E2F3: variants seen among roughly 807,000 people sequenced by gnomAD.
The protein encoded by E2F3 is E2F transcription factor 3, also known as transcription factor E2F3.
Under a neutral mutation model 44.4 loss-of-function variants are expected in E2F3, and 11 were observed. The observed-to-expected ratio is 0.25, with a 90% CI of 0.16 to 0.41. The LOEUF is 0.41. Among genes scored for constraint, E2F3 ranks in the 10% least tolerant of loss-of-function variants. E2F3 has a pLI of 1.00. For missense variants in E2F3, 487 were observed against 583.6 expected (o/e 0.83, Z 1.70); for synonymous variants, 249 against 253.0 (o/e 0.98, Z 0.15).
At chr6:20,445,234 G>T in intron 1 of E2F3, 3 of 773,724 alleles carry the variant, frequency 3.9e-6, no homozygotes, top group Non-Finnish European at 4.7e-6. Context: ...ATTAGAATGT[G>T]TATATTTTCT....
At chr6:20,442,067 T>C (rs561879107) in intron 1 of E2F3, among the ~76,000 whole-genome samples, 2 of 152,188 alleles carry the variant, frequency 1.3e-5, no homozygotes, top group South Asian at 4.2e-4. Context: ...GGTCTCCTTT[T>C]GCTGTTTGCC....
intron 1 of E2F3, among the ~76,000 whole-genome samples, chr6:20,440,747 T>G (rs1191087016): frequency 6.6e-6 from 1 of 152,254 alleles, no homozygotes; most frequent in Non-Finnish European, 1.5e-5. Flanking sequence ...AGCAGTGGAA[T>G]ATCAGGACCA....
chr6:20,431,089 T>G (rs747762486), intron 1 of E2F3, among the ~76,000 whole-genome samples: 1 of 152,164 alleles, frequency 6.6e-6, no homozygotes, highest in Non-Finnish European at 1.5e-5. Flanking sequence ...ACCAAAATTC[T>G]CACTTAAAAC....
Position 20,488,152 on chromosome 6 carries a change from G to A in E2F3, c.1039G>A (p.Glu347Lys). ...IHLASTQGPI[E>K]VYLCPEETET... Reference sequence around the variant, plus strand: ...TTTGGCAAGTACCCAAGGGCCCATTGAGGTTTACTTATGTCCAGAAGAGAC... The same window carrying A: ...TTTGGCAAGTACCCAAGGGCCCATTAAGGTTTACTTATGTCCAGAAGAGAC... The change falls in exon 6 of 7, where the codon GAG (glutamate) becomes AAG (lysine). Residue 347 changes from glutamate to lysine, a missense_variant. Transcript: ENST00000346618. 1 of 1,614,120 alleles carries A rather than the reference G, an allele frequency of 6.2e-7. No homozygotes were observed. Among genetic ancestry groups the A allele is most frequent in the Non-Finnish European group, 8.5e-7 (1 of 1,180,022 alleles).
intron 1 of E2F3, among the ~76,000 whole-genome samples, chr6:20,460,970 T>G (rs112959516): frequency 1.8e-5 from 2 of 112,190 alleles, no homozygotes; most frequent in African/African-American, 7.2e-5. Flanking sequence ...CACTCTAGCC[T>G]GGGAGACAGA....
intron 1 of E2F3, among the ~76,000 whole-genome samples, chr6:20,412,794 T>G (rs1759718391): frequency 6.6e-6 from 1 of 152,200 alleles, no homozygotes; most frequent in Non-Finnish European, 1.5e-5. Context: ...TTTTAAAATG[T>G]TGGCTGAATT....
At chr6:20,466,497 C>T (rs1761715117) in intron 1 of E2F3, among the ~76,000 whole-genome samples, 1 of 152,130 alleles carries the variant, frequency 6.6e-6, no homozygotes, top group South Asian at 2.1e-4. Flanking sequence ...TTTCCCTGAT[C>T]ATTAGTGATG....
chr6:20,481,672 G>A (rs1407122713), intron 3 of E2F3, among the ~76,000 whole-genome samples: 1 of 152,102 alleles, frequency 6.6e-6, no homozygotes, highest in African/African-American at 2.4e-5. Flanking sequence ...ATCCAGCAAC[G>A]GCATCCTTAA....
At chr6:20,445,428 C>T (rs569424929) in intron 1 of E2F3, among the ~76,000 whole-genome samples, 32 of 152,174 alleles carry the variant, frequency 2.1e-4, no homozygotes, top group Admixed American at 5.2e-4. Flanking sequence ...TCAGTAGAGA[C>T]GGGGTTTCAC....
chr6:20,467,678 G>C (rs1761758787), intron 1 of E2F3, among the ~76,000 whole-genome samples: 1 of 152,118 alleles, frequency 6.6e-6, no homozygotes, highest in Non-Finnish European at 1.5e-5. Flanking sequence ...CTGGCATCGA[G>C]GTTTGGCCCA....
intron 1 of E2F3, among the ~76,000 whole-genome samples, chr6:20,460,436 G>GT (rs1334905944): frequency 6.6e-6 from 1 of 151,894 alleles, no homozygotes; most frequent in Non-Finnish European, 1.5e-5. Flanking sequence ...GTTCTGACTT[G>GT]TTTTTTTCCT....
chr6:20,403,069 G>A (rs1310168427), intron 1 of E2F3, among the ~76,000 whole-genome samples: 2 of 152,192 alleles, frequency 1.3e-5, no homozygotes, highest in South Asian at 4.2e-4. Flanking sequence ...GACTGTTGGG[G>A]TGCTAGCCCC....
chr6:20,485,594 A>C (rs1036679220), intron 4 of E2F3, among the ~76,000 whole-genome samples: 2 of 152,112 alleles, frequency 1.3e-5, no homozygotes, highest in African/African-American at 4.8e-5. Flanking sequence ...GAAAAAGGAA[A>C]TAACTACCAA....
At chr6:20,433,987 T>G (rs1019556980) in intron 1 of E2F3, among the ~76,000 whole-genome samples, 1 of 152,220 alleles carries the variant, frequency 6.6e-6, no homozygotes, top group African/African-American at 2.4e-5. Context: ...TTGTTAATTT[T>G]GGGATGGAAG....
intron 1 of E2F3, among the ~76,000 whole-genome samples, chr6:20,447,322 ATG>A (rs546318899): frequency 2.6e-5 from 4 of 151,092 alleles, no homozygotes; most frequent in Non-Finnish European, 5.9e-5. Context: ...TGGGATGTGT[ATG>A]TGTGTGTGTG....
intron 5 of E2F3, among the ~76,000 whole-genome samples, chr6:20,487,421 C>T (rs998073934): frequency 1.3e-5 from 2 of 152,112 alleles, no homozygotes; most frequent in Admixed American, 6.6e-5. Flanking sequence ...ATAATAATAG[C>T]TCTTTGACCT....
intron 1 of E2F3, among the ~76,000 whole-genome samples, chr6:20,451,912 T>C (rs1761144239): frequency 6.6e-6 from 1 of 152,240 alleles, no homozygotes; most frequent in South Asian, 2.1e-4. Flanking sequence ...TAAAGCCTAC[T>C]TGATCATGAT....
At chr6:20,430,027 G>A (rs1581591499) in intron 1 of E2F3, among the ~76,000 whole-genome samples, 1 of 152,018 alleles carries the variant, frequency 6.6e-6, no homozygotes, top group East Asian at 1.9e-4. Context: ...CATGCTTTGA[G>A]TATTCTGCTG....
At chr6:20,455,338 G>A (rs184543989) in intron 1 of E2F3, among the ~76,000 whole-genome samples, 1 of 152,318 alleles carries the variant, frequency 6.6e-6, no homozygotes, top group African/African-American at 2.4e-5. Flanking sequence ...GGGTGCCTGT[G>A]CCAGGGAGGT....
Sources: allele counts gnomAD v4.1 joint callset (sites outside exome capture counted in the v4.1 genomes callset), GRCh38; gene constraint gnomAD v4.1.1; transcripts MANE v1.5; gene names NCBI Gene and HGNC (gene_info 2026-07-23, HGNC 2026-07-21).